KAT8: variants seen among roughly 807,000 people sequenced by gnomAD.
KAT8 encodes histone acetyltransferase KAT8.
A neutral mutation model predicts 62.9 loss-of-function variants in KAT8; 40 were observed. The observed-to-expected ratio is 0.64, with a 90% CI of 0.49 to 0.83. The LOEUF (loss-of-function observed/expected upper bound fraction) is 0.83, where lower values mean the gene tolerates loss of function less well. Among genes scored for constraint, KAT8 ranks in the 40% least tolerant of loss-of-function variants. KAT8 has a pLI of 0.00. For missense variants in KAT8, 387 were observed against 614.8 expected (o/e 0.63, Z 3.92); for synonymous variants, 278 against 254.5 (o/e 1.09, Z -0.88).
intron 3 of KAT8, among the ~76,000 whole-genome samples, chr16:31,124,943 C>A (rs1403322589): frequency 6.6e-6 from 1 of 151,924 alleles, no homozygotes; most frequent in Non-Finnish European, 1.5e-5. Context: ...GTGGGAAGAT[C>A]GCTTGAACTC....
At position 31,127,321 on chromosome 16, in the gene KAT8, A is replaced by G. The variant is rs756211242; in HGVS notation, c.649A>G (p.Met217Val). 1.7e-5 allele frequency: 27 copies of G among 1,614,134 alleles called. No individual in the cohort carries two copies. Among genetic ancestry groups the G allele is most frequent in the Middle Eastern group, 1.6e-4 (1 of 6,080 alleles). The change falls in exon 5 of 11, where the codon ATG (methionine) becomes GTG (valine). Residue 217 changes from methionine (M) to valine (V), a missense_variant. By Grantham distance (21) the Met-to-Val change is conservative. This residue lies in a region of KAT8 where 141 missense variants were observed against 222.5 expected (regional missense o/e 0.63). Transcript: ENST00000219797. Reference protein sequence around the residue: ...LWLCEYCLKYMKYEKSYRFHL... With the variant: ...LWLCEYCLKYVKYEKSYRFHL... Reference sequence around the variant, plus strand: ...GCTCTGCGAGTACTGCCTCAAGTACATGAAATATGAGAAGAGCTACCGCTT... The same window carrying G: ...GCTCTGCGAGTACTGCCTCAAGTACGTGAAATATGAGAAGAGCTACCGCTT...
rs2057457339 is a variant in KAT8 at position 31,117,686 on chromosome 16, C to T, written c.5C>T (p.Ala2Val). ...GGCGTCACTTCCCTTCCCGCGATGG[C>T]GGCACAGGGAGCTGCTGCGGCGGTT... Reference protein sequence around the residue: MAAQGAAAAVAA... With the variant: MVAQGAAAAVAA... The change falls in exon 1 of 11, where the codon GCG becomes GTG. Residue 2 changes from alanine to valine, a missense_variant. Ala to Val is a moderately conservative substitution (Grantham distance 64). This residue lies in a region of KAT8 where 92 missense variants were observed against 78.8 expected (regional missense o/e 1.17). Coordinates refer to ENST00000219797, the MANE Select transcript of KAT8 (RefSeq NM_032188.3). 4 of 1,391,664 alleles carry T rather than the reference C, an allele frequency of 2.9e-6. No individual in the cohort carries two copies. The highest frequency in any genetic ancestry group is 1.6e-5 in the South Asian group (1 of 63,754). 86.2% of individuals were successfully genotyped at this position (1,391,664 alleles called of 1,614,324 possible).
rs769990830 is a variant in KAT8 at position 31,130,138 on chromosome 16, T to G, written c.893T>G (p.Ile298Ser). The G allele has an allele frequency of 6.2e-7, 1 of 1,607,592 alleles. No homozygotes were observed. Among genetic ancestry groups the G allele is most frequent in the South Asian group, 1.1e-5 (1 of 90,750 alleles). ...GAGGTGGACCGGCAGGGGGCCCACA[T>G]TGTTGGCTACTTCTCCAAGGTGCTG... ...LTEVDRQGAH[I>S]VGYFSKEKES... Residue 298 changes from isoleucine (I) to serine (S), a missense_variant, in exon 7 of 11, where the codon ATT becomes AGT. Physicochemically the swap from Ile to Ser is moderately radical, Grantham distance 142 (BLOSUM62 -2). Coordinates refer to ENST00000219797, the MANE Select transcript of KAT8 (RefSeq NM_032188.3).
At chr16:31,125,178 TGA>T (rs2143979989) in intron 3 of KAT8, among the ~76,000 whole-genome samples, 1 of 149,830 alleles carries the variant, frequency 6.7e-6, no homozygotes, top group East Asian at 2.0e-4. Context: ...GGCGACAGAG[TGA>T]GAGTCTATCT....
chr16:31,120,356 G>A lies in KAT8; in HGVS notation c.304G>A (p.Glu102Lys). 1 of 1,613,974 alleles carries A rather than the reference G, an allele frequency of 6.2e-7. No individual in the cohort carries two copies. Among genetic ancestry groups the A allele is most frequent in the Non-Finnish European group, 8.5e-7 (1 of 1,179,828 alleles). Residue 102 changes from glutamate to lysine, a missense_variant, in exon 3 of 11, where the codon GAG becomes AAG. Glu to Lys is a moderately conservative substitution (Grantham distance 56). Transcript: ENST00000219797. ...ACTTACAGTTAACCGGCGGCTGGACGAGTGGGTAGACAAGAACCGGCTGGC... is the reference window on the plus strand; with the variant it reads ...ACTTACAGTTAACCGGCGGCTGGACAAGTGGGTAGACAAGAACCGGCTGGC... The part of the protein sequence containing the change: ...HYVGFNRRLD[E>K]WVDKNRLALT...
chr16:31,130,979 T>C (rs770812373), intron 10 of KAT8, 79 bp downstream of exon 10: 5 of 1,552,274 alleles, frequency 3.2e-6, no homozygotes, highest in African/African-American at 1.4e-5. Flanking sequence ...GGCCTCCTTA[T>C]TGCTGTCACA....
intron 6 of KAT8, among the ~76,000 whole-genome samples, chr16:31,128,717 T>C (rs943935577): frequency 3.3e-5 from 5 of 152,188 alleles, no homozygotes; most frequent in Non-Finnish European, 4.4e-5. Context: ...GAGGCTGCTT[T>C]TAGAAGTGCT....
intron 10 of KAT8, 128 bp from the exon 11 acceptor site, chr16:31,131,067 C>T: frequency 7.9e-6 from 12 of 1,510,454 alleles, no homozygotes; most frequent in Non-Finnish European, 1.1e-5. Flanking sequence ...CCTACCCCTC[C>T]CCAGCACAGC....
intron 3 of KAT8, 61 bp downstream of exon 3, chr16:31,120,575 G>A: frequency 6.6e-7 from 1 of 1,520,072 alleles, no homozygotes; most frequent in Non-Finnish European, 8.9e-7. Flanking sequence ...GTTCCCTTGG[G>A]TCTCTCGGGC....
chr16:31,127,156 G>T, intron 4 of KAT8, 33 bp from the exon 5 acceptor site: 1 of 1,609,542 alleles, frequency 6.2e-7, no homozygotes, highest in Non-Finnish European at 8.5e-7. Flanking sequence ...CTGCTGAGCC[G>T]TGCACTGTGC....
intron 5 of KAT8, among the ~76,000 whole-genome samples, chr16:31,127,755 G>A (rs2057543605): frequency 6.6e-6 from 1 of 152,232 alleles, no homozygotes; most frequent in South Asian, 2.1e-4. Context: ...GGAATCTGAA[G>A]CGAATAGGTG....
At chr16:31,121,620 C>T (rs994792197) in intron 3 of KAT8, among the ~76,000 whole-genome samples, 3 of 152,130 alleles carry the variant, frequency 2.0e-5, no homozygotes, top group African/African-American at 7.2e-5. Flanking sequence ...GTGTGTTGCT[C>T]AGGCTGGACT....
At chr16:31,128,170 C>G in intron 6 of KAT8, 31 bp downstream of exon 6, 2 of 1,558,626 alleles carry the variant, frequency 1.3e-6, no homozygotes, top group Non-Finnish European at 1.8e-6. Context: ...TGGGAGAGGC[C>G]GGGGAGGCCC....
chr16:31,130,953 G>A (rs755981905), intron 10 of KAT8, 53 bp downstream of exon 10: 12 of 1,581,784 alleles, frequency 7.6e-6, no homozygotes, highest in Non-Finnish European at 1.0e-5. Flanking sequence ...TCAGTATATG[G>A]ACTGGTAGGA....
chr16:31,124,215 C>T (rs983379040), intron 3 of KAT8, among the ~76,000 whole-genome samples: 3 of 152,222 alleles, frequency 2.0e-5, no homozygotes, highest in Non-Finnish European at 2.9e-5. Context: ...GACCAGGGGC[C>T]CATGCCCAAC....
chr16:31,119,308 C>T (rs2057475429), intron 1 of KAT8, among the ~76,000 whole-genome samples: 1 of 151,970 alleles, frequency 6.6e-6, no homozygotes, highest in African/African-American at 2.4e-5. Context: ...CGCCACCACA[C>T]CCAGCTAATT....
chr16:31,117,924 C>T (rs1567432643), intron 1 of KAT8, 32 bp downstream of exon 1: 1 of 758,550 alleles, frequency 1.3e-6, no homozygotes. Context: ...GGGGGCGGGG[C>T]GGAGCTCAGG....
intron 1 of KAT8, among the ~76,000 whole-genome samples, chr16:31,119,466 G>A (rs1216344788): frequency 1.3e-5 from 2 of 152,174 alleles, no homozygotes; most frequent in African/African-American, 2.4e-5. Flanking sequence ...ATACATTAAT[G>A]TAGGTTATCT....
chr16:31,118,313 C>T (rs2057466226), intron 1 of KAT8: 1 of 161,542 alleles, frequency 6.2e-6, no homozygotes, highest in Non-Finnish European at 1.3e-5. Context: ...GTTCTGCTGC[C>T]TTCTCTCATT....
Sources: allele counts gnomAD v4.1 joint callset (sites outside exome capture counted in the v4.1 genomes callset), GRCh38; gene constraint gnomAD v4.1.1; regional missense constraint gnomAD v4.1.1; transcripts MANE v1.5; gene names NCBI Gene and HGNC (gene_info 2026-07-23, HGNC 2026-07-21).